Variants in KDM3A observed in about 807,000 individuals in gnomAD.
KDM3A encodes lysine demethylase 3A.
Under a neutral mutation model 158.0 loss-of-function variants are expected in KDM3A, and 60 were observed. The observed-to-expected ratio is 0.38, with a 90% CI of 0.31 to 0.47. The LOEUF is 0.47. Among genes scored for constraint, KDM3A ranks in the 20% least tolerant of loss-of-function variants. The probability of loss-of-function intolerance (pLI) is 0.99; values close to 1 mark genes in which losing one functional copy is unlikely to be tolerated. For missense variants in KDM3A, 1,319 were observed against 1,574.3 expected (o/e 0.84, Z 2.74); for synonymous variants, 608 against 549.3 (o/e 1.11, Z -1.49).
At chr2:86,459,601 C>T (rs1672843682) in intron 8 of KDM3A, among the ~76,000 whole-genome samples, 1 of 152,008 alleles carries the variant, frequency 6.6e-6, no homozygotes, top group African/African-American at 2.4e-5. Context: ...TGGGAACCTC[C>T]CTTGGGGGAA....
chr2:86,441,961 C>T, intron 1 of KDM3A, 57 bp from the exon 2 acceptor site: 3 of 1,464,018 alleles, frequency 2.0e-6, no homozygotes, highest in South Asian at 1.2e-5. Flanking sequence ...CTGCTGTCTC[C>T]GCCCGGCCCC....
At chr2:86,446,699 G>T (rs902818281) in intron 2 of KDM3A, among the ~76,000 whole-genome samples, 1 of 152,210 alleles carries the variant, frequency 6.6e-6, no homozygotes, top group Non-Finnish European at 1.5e-5. Context: ...AACAGATTGA[G>T]ACTCTGTCTC....
upstream of KDM3A, among the ~76,000 whole-genome samples, chr2:86,439,260 G>A (rs546232014): frequency 6.6e-6 from 1 of 151,886 alleles, no homozygotes; most frequent in Non-Finnish European, 1.5e-5. Context: ...CTGTCATGGT[G>A]AATTTTAGTA....
intron 1 of KDM3A, 34 bp from the exon 2 acceptor site, chr2:86,441,984 G>T: frequency 7.4e-7 from 1 of 1,348,656 alleles, no homozygotes. Context: ...CCCACCGGCC[G>T]CCCCCGTCGC....
intron 11 of KDM3A, among the ~76,000 whole-genome samples, chr2:86,471,110 C>T (rs972827990): frequency 6.6e-6 from 1 of 152,102 alleles, no homozygotes; most frequent in Admixed American, 6.5e-5. Context: ...TCCTTGACAA[C>T]TGCAGGGTTT....
chr2:86,485,206 A>G lies in KDM3A; in HGVS notation c.3182+177A>G, dbSNP rs557772283. ...GGAGGCATGTTTATTTTTAGATGAG[A>G]TGAAGAAGTGATTGGCTTTTAGGCC... On this transcript the variant is annotated intron_variant, in intron 20 of 25. Coordinates refer to ENST00000312912, the MANE Select transcript of KDM3A (RefSeq NM_018433.6). Among the ~76,000 whole-genome samples the G allele has an allele frequency of 7.9e-4, 121 of 152,326 alleles. 1 individual carries two copies. The highest frequency in any genetic ancestry group is 2.8e-3 in the African/African-American group (117 of 41,570).
At chr2:86,479,945 T>C (rs1156930788) in intron 15 of KDM3A, 2 of 559,770 alleles carry the variant, frequency 3.6e-6, no homozygotes, top group Non-Finnish European at 6.4e-6. Flanking sequence ...GTGCGGGGGG[T>C]AATACCTTGC....
chr2:86,447,597 C>G (rs1458989387), intron 2 of KDM3A, among the ~76,000 whole-genome samples: 3 of 152,166 alleles, frequency 2.0e-5, no homozygotes, highest in Admixed American at 2.0e-4. Flanking sequence ...TCTTGCCAGA[C>G]ACTTTACATA....
chr2:86,451,717 G>C (rs1033822954), intron 4 of KDM3A, among the ~76,000 whole-genome samples: 2 of 152,028 alleles, frequency 1.3e-5, no homozygotes, highest in African/African-American at 4.8e-5. Context: ...ATACCTAACA[G>C]GAAAGAACCC....
Position 86,442,095 on chromosome 2 carries a change from G to A in KDM3A, c.48G>A (p.Arg16=). 1 of 1,614,134 alleles carries A rather than the reference G, an allele frequency of 6.2e-7. No homozygotes were observed. The highest frequency in any genetic ancestry group is 8.5e-7 in the Non-Finnish European group (1 of 1,180,018). ...GESWPVLVGR[R]FLSLSAADGS... ...GTTGGCCGGTATTGGTGGGGAGGAG[G>A]TTTCTCAGTCTGTCCGCAGCCGACG... The change falls in exon 2 of 26, where the codon AGG becomes AGA. Residue 16 remains arginine, a synonymous_variant. Transcript: ENST00000312912.
chr2:86,492,597 A>T lies in KDM3A; in HGVS notation c.*478A>T, dbSNP rs1463784044. 6.5e-6 allele frequency: 1 copy of T among 153,344 alleles called. No individual in the cohort carries two copies. Among genetic ancestry groups the T allele is most frequent in the African/African-American group, 2.4e-5 (1 of 41,486 alleles). 9.5% of individuals were successfully genotyped at this position (153,344 alleles called of 1,614,324 possible). ...GCATAGGACTGGCATTATATAGCAG[A>T]AATCAACTACTGTACAATTTCTTGG... On this transcript the variant is annotated 3_prime_UTR_variant, in exon 26 of 26. Transcript: ENST00000312912.
At chr2:86,486,386 G>T (rs1038485040) in intron 21 of KDM3A, among the ~76,000 whole-genome samples, 5 of 152,170 alleles carry the variant, frequency 3.3e-5, no homozygotes, top group Admixed American at 6.5e-5. Flanking sequence ...CTGGGATAAA[G>T]ATTGGTTTCT....
intron 4 of KDM3A, among the ~76,000 whole-genome samples, chr2:86,454,581 GTATT>G (rs2104639290): frequency 6.6e-6 from 1 of 152,096 alleles, no homozygotes; most frequent in South Asian, 2.1e-4. Context: ...GTTACACAGT[GTATT>G]ATATAGTACA....
intron 12 of KDM3A, among the ~76,000 whole-genome samples, chr2:86,475,208 C>T (rs1390391348): frequency 1.3e-5 from 2 of 152,038 alleles, no homozygotes; most frequent in African/African-American, 4.8e-5. Context: ...AGTGGAACTC[C>T]TTTTTTGTTA....
intron 14 of KDM3A, 102 bp from the exon 15 acceptor site, chr2:86,478,506 G>C (rs1673769461): frequency 7.5e-7 from 1 of 1,335,670 alleles, no homozygotes; most frequent in Non-Finnish European, 1.0e-6. Flanking sequence ...GGAGGGAGTG[G>C]GAAAAGTAAT....
At chr2:86,469,069 TCTTA>T (rs1158101369) in intron 10 of KDM3A, among the ~76,000 whole-genome samples, 1 of 152,184 alleles carries the variant, frequency 6.6e-6, no homozygotes, top group African/African-American at 2.4e-5. Context: ...TTCTCTCCTT[TCTTA>T]CTTTACCTTC....
chr2:86,484,106 C>A lies in KDM3A; in HGVS notation c.3042C>A (p.Ile1014=), dbSNP rs373357673. Reference sequence around the variant, plus strand: ...TAGTTAATTGTAGGACCAATGAAATCATCACAGGAGCCACAGTAGGAGACT... The same window carrying A: ...TAGTTAATTGTAGGACCAATGAAATAATCACAGGAGCCACAGTAGGAGACT... ...VDLVNCRTNE[I]ITGATVGDFW... Residue 1014 remains isoleucine (I), a synonymous_variant, in exon 19 of 26, where the codon ATC becomes ATA. Transcript: ENST00000312912. The A allele has an allele frequency of 7.2e-5, 117 of 1,613,814 alleles. No homozygotes were observed. Among genetic ancestry groups the A allele is most frequent in the Non-Finnish European group, 8.8e-5 (104 of 1,179,884 alleles).
intron 9 of KDM3A, among the ~76,000 whole-genome samples, chr2:86,465,935 A>T (rs1673120560): frequency 1.4e-5 from 1 of 73,650 alleles, no homozygotes; most frequent in African/African-American, 5.9e-5. Flanking sequence ...TGAAATTTAC[A>T]CACAAAAAAA....
rs377074523 is a variant in KDM3A at position 86,485,699 on chromosome 2, CTT to C, written c.3183-28_3183-27del. 8.6e-4 allele frequency: 1,384 copies of C among 1,607,810 alleles called. 6 individuals carry two copies. The African/African-American group carries it at 0.012, about 13-fold the overall frequency. On this transcript the variant is annotated intron_variant, in intron 20 of 25. Coordinates refer to ENST00000312912, the MANE Select transcript of KDM3A (RefSeq NM_018433.6). ...ATAATGAATTAGAAAAGCAATCTAA[CTT>C]TGCAAATTCCTGGTTCTGTTGTTCT...
Sources: allele counts gnomAD v4.1 joint callset (sites outside exome capture counted in the v4.1 genomes callset), GRCh38; gene constraint gnomAD v4.1.1; transcripts MANE v1.5; gene names NCBI Gene and HGNC (gene_info 2026-07-23, HGNC 2026-07-21).